Variants in XPR1 observed in about 807,000 individuals in gnomAD.
XPR1 encodes solute carrier family 53 member 1.
In XPR1, 28 loss-of-function variants were observed where a neutral mutation model predicts 87.5. That is an observed-to-expected ratio of 0.32 (90% CI 0.24 to 0.44). The LOEUF (loss-of-function observed/expected upper bound fraction) is 0.44. XPR1 is among the 20% of genes least tolerant of loss of function. XPR1 has a pLI of 1.00. For synonymous variants in XPR1, 300 were observed against 306.1 expected (o/e 0.98, Z 0.21); for missense variants, 559 against 862.3 (o/e 0.65, Z 4.41).
intron 1 of XPR1, among the ~76,000 whole-genome samples, chr1:180,635,271 C>T (rs1654724952): frequency 6.6e-6 from 1 of 152,072 alleles, no homozygotes; most frequent in African/African-American, 2.4e-5. Context: ...TTCCAGTAAT[C>T]TGTTTGAGTA....
At chr1:180,733,721 C>T (rs920705581) in intron 2 of XPR1, among the ~76,000 whole-genome samples, 9 of 152,138 alleles carry the variant, frequency 5.9e-5, no homozygotes, top group African/African-American at 1.2e-4. Flanking sequence ...CTCGGGAAGA[C>T]GGGATTTTAT....
chr1:180,728,466 C>T (rs1658436751), intron 2 of XPR1, among the ~76,000 whole-genome samples: 2 of 152,160 alleles, frequency 1.3e-5, no homozygotes. Flanking sequence ...TCCTCAAAGT[C>T]AGTACTTTTC....
intron 13 of XPR1, among the ~76,000 whole-genome samples, chr1:180,876,313 C>T (rs552354392): frequency 2.6e-4 from 39 of 152,122 alleles, no homozygotes; most frequent in Non-Finnish European, 4.3e-4. Context: ...AAGTTAGGTT[C>T]GTTCTAGGAA....
At chr1:180,739,638 A>G (rs1221413225) in intron 2 of XPR1, among the ~76,000 whole-genome samples, 1 of 152,202 alleles carries the variant, frequency 6.6e-6, no homozygotes, top group East Asian at 1.9e-4. Context: ...CAGATCCTAT[A>G]CAAGTTTTGT....
intron 3 of XPR1, among the ~76,000 whole-genome samples, chr1:180,802,337 C>T (rs1649818695): frequency 6.6e-6 from 1 of 152,090 alleles, no homozygotes; most frequent in Admixed American, 6.6e-5. Flanking sequence ...GTAGCACAAA[C>T]ACATATATTC....
At chr1:180,854,231 T>A (rs577400884) in intron 11 of XPR1, among the ~76,000 whole-genome samples, 86 of 152,360 alleles carry the variant, frequency 5.6e-4, no homozygotes, top group Non-Finnish European at 1.1e-3. Flanking sequence ...TGTAAAGGAT[T>A]ACAATCTGCA....
At chr1:180,655,442 C>T (rs1655424026) in intron 1 of XPR1, among the ~76,000 whole-genome samples, 1 of 149,914 alleles carries the variant, frequency 6.7e-6, no homozygotes, top group Non-Finnish European at 1.5e-5. Flanking sequence ...ATTCTGTCAC[C>T]CAGGCTGAAG....
chr1:180,639,779 A>G (rs1654908311), intron 1 of XPR1, among the ~76,000 whole-genome samples: 1 of 152,120 alleles, frequency 6.6e-6, no homozygotes, highest in Admixed American at 6.5e-5. Context: ...CGATACATAT[A>G]CTGTATTAGA....
chr1:180,632,150 G>A lies in XPR1; in HGVS notation c.-52G>A, dbSNP rs904412158. The stretch of plus-strand genomic sequence containing the variant: ...GGGAGGAGTCGGAGTCGCTGTTGCC[G>A]CCGCCGCCTGTAGCTGCTGGACCCG... On this transcript the variant is annotated 5_prime_UTR_variant, in exon 1 of 15. Coordinates refer to ENST00000367590, the MANE Select transcript of XPR1 (RefSeq NM_004736.4). The A allele has an allele frequency of 8.3e-6, 13 of 1,572,336 alleles. No individual in the cohort carries two copies. Among genetic ancestry groups the A allele is most frequent in the Non-Finnish European group, 1.0e-5 (12 of 1,159,398 alleles).
intron 2 of XPR1, among the ~76,000 whole-genome samples, chr1:180,728,886 T>C (rs573686154): frequency 3.3e-5 from 5 of 152,340 alleles, no homozygotes; most frequent in Admixed American, 3.3e-4. Context: ...CAGAGATACA[T>C]GTACAGGCTT....
At chr1:180,855,694 C>T (rs532741557) in intron 11 of XPR1, among the ~76,000 whole-genome samples, 9 of 150,618 alleles carry the variant, frequency 6.0e-5, no homozygotes, top group South Asian at 2.1e-4. Flanking sequence ...GGAGGGGGGA[C>T]GGTTTTACTA....
chr1:180,817,320 C>A (rs949921875), intron 7 of XPR1, among the ~76,000 whole-genome samples: 1 of 151,970 alleles, frequency 6.6e-6, no homozygotes, highest in African/African-American at 2.4e-5. Context: ...TTTATAAATT[C>A]AGTGTAGCCT....
intron 6 of XPR1, among the ~76,000 whole-genome samples, chr1:180,809,056 A>G (rs747852878): frequency 2.0e-5 from 3 of 152,222 alleles, no homozygotes; most frequent in Non-Finnish European, 2.9e-5. Context: ...GTATATCCAT[A>G]CAATGAAACA....
intron 1 of XPR1, among the ~76,000 whole-genome samples, chr1:180,642,242 C>T (rs1230706650): frequency 6.6e-6 from 1 of 152,054 alleles, no homozygotes; most frequent in African/African-American, 2.4e-5. Context: ...ATGAATTGGC[C>T]TCGTTCCTCT....
chr1:180,637,795 C>T (rs1654834349), intron 1 of XPR1, among the ~76,000 whole-genome samples: 1 of 152,182 alleles, frequency 6.6e-6, no homozygotes, highest in Non-Finnish European at 1.5e-5. Context: ...CTCACGTGAT[C>T]CGCCTGCCTC....
intron 1 of XPR1, among the ~76,000 whole-genome samples, chr1:180,657,785 CA>C (rs1655587246): frequency 6.6e-6 from 1 of 152,046 alleles, no homozygotes; most frequent in Admixed American, 6.5e-5. Flanking sequence ...TTTATGGTTT[CA>C]TATAAATTTT....
At chr1:180,862,959 A>T (rs1432618228) in intron 11 of XPR1, among the ~76,000 whole-genome samples, 1 of 152,098 alleles carries the variant, frequency 6.6e-6, no homozygotes, top group African/African-American at 2.4e-5. Context: ...TGAAGCAGAA[A>T]TGATTAAATT....
At chr1:180,788,584 C>T (rs897914266) in intron 3 of XPR1, among the ~76,000 whole-genome samples, 2 of 151,770 alleles carry the variant, frequency 1.3e-5, no homozygotes, top group African/African-American at 4.8e-5. Context: ...CCTGTTACAC[C>T]GCCAGATATA....
At chr1:180,876,987 AT>A (rs1652685319) in intron 13 of XPR1, among the ~76,000 whole-genome samples, 1 of 152,240 alleles carries the variant, frequency 6.6e-6, no homozygotes, top group African/African-American at 2.4e-5. Flanking sequence ...TTTACAAATA[AT>A]TAGATCTAAT....
Sources: allele counts gnomAD v4.1 joint callset (sites outside exome capture counted in the v4.1 genomes callset), GRCh38; gene constraint gnomAD v4.1.1; transcripts MANE v1.5; gene names NCBI Gene and HGNC (gene_info 2026-07-23, HGNC 2026-07-21).